KLF8: variants seen among roughly 807,000 people sequenced by gnomAD.
The protein encoded by KLF8 is Krueppel-like factor 8.
In KLF8, 10 loss-of-function variants were observed where a neutral mutation model predicts 18.2. That is an observed-to-expected ratio of 0.55 (90% confidence interval 0.34 to 0.93). The LOEUF (loss-of-function observed/expected upper bound fraction) is 0.93. Ranked by LOEUF, KLF8 falls within the 40% of genes least tolerant of loss-of-function variation. The pLI, the probability that KLF8 is intolerant of heterozygous loss-of-function variation, is 0.02. For synonymous variants in KLF8, 109 were observed against 97.3 expected, an observed-to-expected ratio of 1.12 and a Z score of -0.71; for missense variants, 264 against 277.9, an observed-to-expected ratio of 0.95 and a Z score of 0.36.
the KLF8 span, among the ~76,000 whole-genome samples, chrX:55,982,804 T>A: frequency 8.9e-6 from 1 of 112,331 alleles, no homozygotes; most frequent in South Asian, 3.7e-4. Context: ...ATATGAAAGC[T>A]ATTGTTATAT....
At chrX:56,198,247 G>A in the KLF8 span, among the ~76,000 whole-genome samples, 2 of 111,865 alleles carry the variant, frequency 1.8e-5, no homozygotes, top group Non-Finnish European at 3.8e-5. Context: ...GGGCAATCAG[G>A]CAAGAGAAAG....
chrX:55,947,704 T>G, the KLF8 span, among the ~76,000 whole-genome samples: 1 of 111,673 alleles, frequency 9.0e-6, no homozygotes, highest in East Asian at 2.8e-4. Context: ...AATCTTTTTC[T>G]TTGAGTTTTG....
At chrX:56,082,821 G>C in the KLF8 span, among the ~76,000 whole-genome samples, 3 of 111,571 alleles carry the variant, frequency 2.7e-5, no homozygotes, top group East Asian at 8.4e-4. Flanking sequence ...TTGGTTGGCA[G>C]TTTTCTTTTT....
chrX:55,969,939 A>G, the KLF8 span, among the ~76,000 whole-genome samples: 35 of 111,340 alleles, frequency 3.1e-4, no homozygotes, highest in Non-Finnish European at 5.9e-4. Flanking sequence ...GCTGCATTTA[A>G]AAGTCTCCCC....
chrX:56,032,875 G>A, the KLF8 span, among the ~76,000 whole-genome samples: 1 of 111,753 alleles, frequency 8.9e-6, no homozygotes, highest in Non-Finnish European at 1.9e-5. Context: ...TAGGGATTAT[G>A]TTAAGTAAAT....
the KLF8 span, among the ~76,000 whole-genome samples, chrX:56,096,697 G>A: frequency 2.7e-5 from 3 of 109,704 alleles, no homozygotes; most frequent in South Asian, 3.9e-4. Context: ...AAAACAATAG[G>A]GAATATCAAC....
At chrX:56,278,503 T>G (rs192283797) in intron 5 of KLF8, among the ~76,000 whole-genome samples, 1 of 111,236 alleles carries the variant, frequency 9.0e-6, no homozygotes, top group East Asian at 2.8e-4. Context: ...CCTATCCTAC[T>G]GTGGCTAAGC....
chrX:56,050,115 C>G, the KLF8 span, among the ~76,000 whole-genome samples: 1 of 109,520 alleles, frequency 9.1e-6, no homozygotes, highest in Non-Finnish European at 1.9e-5. Flanking sequence ...GTGGTGATAT[C>G]CCCTTTATCA....
the KLF8 span, among the ~76,000 whole-genome samples, chrX:55,939,511 A>G: frequency 8.9e-6 from 1 of 112,072 alleles, no homozygotes; most frequent in East Asian, 2.8e-4. Flanking sequence ...GCAGAAGGCA[A>G]GAAATAACTA....
the KLF8 span, among the ~76,000 whole-genome samples, chrX:56,170,913 A>G: frequency 8.9e-6 from 1 of 112,071 alleles, no homozygotes; most frequent in Non-Finnish European, 1.9e-5. Context: ...TCAGAGATGA[A>G]GAAAGCATCC....
the KLF8 span, among the ~76,000 whole-genome samples, chrX:56,047,976 T>TATC: frequency 8.9e-6 from 1 of 112,078 alleles, no homozygotes; most frequent in African/African-American, 3.2e-5. Context: ...TGTGAGATGG[T>TATC]ATCTCACTTG....
chrX:56,210,427 A>G, the KLF8 span, among the ~76,000 whole-genome samples: 15 of 111,814 alleles, frequency 1.3e-4, no homozygotes, highest in Middle Eastern at 4.6e-3. Context: ...GCTCTATTAT[A>G]TGTCGTTTGT....
the KLF8 span, among the ~76,000 whole-genome samples, chrX:55,909,186 A>T: frequency 8.9e-6 from 1 of 112,106 alleles, no homozygotes; most frequent in South Asian, 3.8e-4. Flanking sequence ...GCACTATTTA[A>T]CTGGAAATTC....
chrX:56,042,390 T>C, the KLF8 span, among the ~76,000 whole-genome samples: 2 of 111,361 alleles, frequency 1.8e-5, no homozygotes, highest in South Asian at 7.5e-4. Flanking sequence ...TCCGACTGAT[T>C]TAGAGCTGAG....
intron 2 of KLF8, 146 bp downstream of exon 2, chrX:56,250,450 T>C (rs1356123207): frequency 2.2e-6 from 1 of 464,777 alleles, no homozygotes; most frequent in African/African-American, 2.5e-5. Flanking sequence ...TTCTAGAAAG[T>C]ATATGAATGC....
chrX:56,196,106 G>A, the KLF8 span, among the ~76,000 whole-genome samples: 2 of 111,682 alleles, frequency 1.8e-5, no homozygotes, highest in African/African-American at 3.3e-5. Context: ...AGAAACAACC[G>A]ATACCAGCCA....
the KLF8 span, among the ~76,000 whole-genome samples, chrX:56,079,000 A>G: frequency 9.1e-6 from 1 of 109,811 alleles, no homozygotes; most frequent in Non-Finnish European, 1.9e-5. Flanking sequence ...CCCCTTTATC[A>G]TTTTTTATCA....
chrX:55,929,794 G>A, the KLF8 span, among the ~76,000 whole-genome samples: 2 of 109,163 alleles, frequency 1.8e-5, no homozygotes. Context: ...TTTGAAGTCA[G>A]GTAGCATGAT....
At chrX:56,203,286 T>C in the KLF8 span, among the ~76,000 whole-genome samples, 1 of 112,310 alleles carries the variant, frequency 8.9e-6, no homozygotes, top group Non-Finnish European at 1.9e-5. Flanking sequence ...GATTTTTCCC[T>C]ATATTGTTGT....
Sources: gnomAD v4.1 joint callset for allele counts (sites outside exome capture counted in the v4.1 genomes callset) on GRCh38, gnomAD v4.1.1 for gene constraint, MANE v1.5 for transcripts, NCBI Gene and HGNC (gene_info 2026-07-23, HGNC 2026-07-21) for gene names.